EPB41L1: variants seen among roughly 807,000 people sequenced by gnomAD.
The protein encoded by EPB41L1 is band 4.1-like protein 1.
A neutral mutation model predicts 97.8 loss-of-function variants in EPB41L1; 29 were observed. The ratio of observed to expected loss-of-function variants is 0.30; its 90% CI spans 0.22 to 0.40. The LOEUF is 0.40. Among genes scored for constraint, EPB41L1 ranks in the 10% least tolerant of loss-of-function variants. The probability of loss-of-function intolerance (pLI) is 1.00; values close to 1 mark genes in which losing one functional copy is unlikely to be tolerated. For missense variants in EPB41L1, 812 were observed against 1,162.3 expected (o/e 0.70, Z 4.38); for synonymous variants, 383 against 459.2 (o/e 0.83, Z 2.12).
intron 2 of EPB41L1, among the ~76,000 whole-genome samples, chr20:36,127,782 G>A (rs1316020683): frequency 2.0e-5 from 3 of 148,850 alleles, no homozygotes; most frequent in South Asian, 2.1e-4. Context: ...GGCCCTCCTC[G>A]TGCCTCTTGT....
rs73902973 is a variant in EPB41L1 at position 36,113,986 on chromosome 20, A to G, written c.-10+1506A>G. 2.3e-3 allele frequency among the ~76,000 whole-genome samples: 353 copies of G among 152,314 alleles called. 1 individual carries two copies. Among genetic ancestry groups the G allele is most frequent in the African/African-American group, 7.9e-3 (330 of 41,568 alleles). ...GTATTAACCACCATCAGTTTACTGA[A>G]GGAGACAGGAAATGTGAGAGATAAT... On this transcript the variant is annotated intron_variant, in intron 2 of 19. Coordinates refer to the EPB41L1 transcript ENST00000202028.
chr20:36,113,961 G>A (rs1391922621), intron 2 of EPB41L1, among the ~76,000 whole-genome samples: 1 of 152,144 alleles, frequency 6.6e-6, no homozygotes, highest in Non-Finnish European at 1.5e-5. Context: ...GAGACTCTAG[G>A]TATTAACCAC....
rs145599139 is a variant in EPB41L1 at position 36,231,057 on chromosome 20, T to C, written c.*1717T>C. Reference sequence around the variant, plus strand: ...CCCTGTCCCAGGACAAAGCTGAGACTGACGGGTGATGTTGCTCATAGGCTC... The same window carrying C: ...CCCTGTCCCAGGACAAAGCTGAGACCGACGGGTGATGTTGCTCATAGGCTC... On this transcript the variant is annotated 3_prime_UTR_variant, in exon 22 of 22. Coordinates refer to ENST00000338074, the MANE Select transcript of EPB41L1 (RefSeq NM_012156.2). 2 of 152,396 alleles carry C rather than the reference T, an allele frequency of 1.3e-5. No homozygotes were observed. Among genetic ancestry groups the C allele is most frequent in the Non-Finnish European group, 2.9e-5 (2 of 68,066 alleles). 9.4% of individuals were successfully genotyped at this position (152,396 alleles called of 1,614,324 possible).
intron 2 of EPB41L1, among the ~76,000 whole-genome samples, chr20:36,149,539 G>C (rs539162814): frequency 6.6e-6 from 1 of 152,212 alleles, no homozygotes; most frequent in Non-Finnish European, 1.5e-5. Context: ...GTCCCTGCAA[G>C]GTGGGCACTG....
At chr20:36,204,597 G>A (rs2062695524) in intron 14 of EPB41L1, among the ~76,000 whole-genome samples, 1 of 148,098 alleles carries the variant, frequency 6.8e-6, no homozygotes, top group Non-Finnish European at 1.5e-5. Context: ...CAATTCTCCT[G>A]CCTCAGCCTC....
chr20:36,118,195 G>T (rs2058645625), intron 2 of EPB41L1, among the ~76,000 whole-genome samples: 1 of 152,114 alleles, frequency 6.6e-6, no homozygotes, highest in Non-Finnish European at 1.5e-5. Flanking sequence ...CTACTGCTTT[G>T]TTTCATTAAA....
chr20:36,163,788 G>A (rs2060626930), intron 1 of EPB41L1, among the ~76,000 whole-genome samples: 1 of 152,152 alleles, frequency 6.6e-6, no homozygotes, highest in Non-Finnish European at 1.5e-5. Context: ...CAGGACCACA[G>A]AGAGAGAAAT....
At chr20:36,224,018 C>T (rs2063950848) in intron 21 of EPB41L1, among the ~76,000 whole-genome samples, 2 of 152,120 alleles carry the variant, frequency 1.3e-5, no homozygotes, top group Non-Finnish European at 2.9e-5. Context: ...CTTTGATTAC[C>T]AGACCCCTTA....
At chr20:36,108,988 G>C (rs931929702) in intron 1 of EPB41L1, among the ~76,000 whole-genome samples, 4 of 151,044 alleles carry the variant, frequency 2.6e-5, no homozygotes, top group African/African-American at 9.7e-5. Flanking sequence ...CTGTTGCCCA[G>C]ACTGGAGTGC....
intron 1 of EPB41L1, chr20:36,091,836 C>T (rs1394227273): frequency 6.6e-6 from 1 of 152,252 alleles, no homozygotes; most frequent in East Asian, 1.9e-4. Context: ...ATCCCTGCCC[C>T]ATCTTCTTTC....
chr20:36,187,524 C>T (rs1210463994), intron 7 of EPB41L1, 152 bp from the exon 8 acceptor site: 1 of 702,994 alleles, frequency 1.4e-6, no homozygotes, highest in African/African-American at 1.8e-5. Context: ...GGGGTACACC[C>T]TCCTGCTCTG....
At chr20:36,136,584 TC>T (rs1267821101) in intron 2 of EPB41L1, among the ~76,000 whole-genome samples, 1 of 150,578 alleles carries the variant, frequency 6.6e-6, no homozygotes, top group Non-Finnish European at 1.5e-5. Flanking sequence ...AAATCTTTTT[TC>T]TTTCTTTTTT....
chr20:36,119,902 C>T (rs1222159088), intron 2 of EPB41L1, among the ~76,000 whole-genome samples: 4 of 152,096 alleles, frequency 2.6e-5, no homozygotes, highest in Admixed American at 6.5e-5. Flanking sequence ...TCTCCCTGCC[C>T]GCCCTCCTCC....
chr20:36,107,507 C>T (rs1227135488), intron 1 of EPB41L1, among the ~76,000 whole-genome samples: 1 of 149,948 alleles, frequency 6.7e-6, no homozygotes, highest in Non-Finnish European at 1.5e-5. Context: ...GTGTGAGCCA[C>T]CGTGCCCGGC....
At chr20:36,134,832 C>T (rs1023499007) in intron 2 of EPB41L1, among the ~76,000 whole-genome samples, 1 of 148,298 alleles carries the variant, frequency 6.7e-6, no homozygotes, top group South Asian at 2.2e-4. Flanking sequence ...AATAAGAACA[C>T]TATTTTGTGT....
At chr20:36,211,843 G>C (rs1446903482) in intron 15 of EPB41L1, among the ~76,000 whole-genome samples, 1 of 152,168 alleles carries the variant, frequency 6.6e-6, no homozygotes, top group Admixed American at 6.5e-5. Flanking sequence ...GACAAAGGGA[G>C]AGTCTGTCTC....
rs983057846 is a variant in EPB41L1, at chr20:36,219,692, C to T, written c.2356-69C>T. 39 of 1,380,942 alleles carry T rather than the reference C, an allele frequency of 2.8e-5. No homozygotes were observed. In the African/African-American group the frequency reaches 3.0e-4, roughly 11 times the overall value. 85.5% of individuals were successfully genotyped at this position (1,380,942 alleles called of 1,614,324 possible). On this transcript the variant is annotated intron_variant, in intron 18 of 21. Transcript: ENST00000338074. ...CTTCACAGAGCCCTTTACCCCACCC[C>T]GCCCTCACCCCTCCAGAGCCCACTG...
chr20:36,111,434 G>GT (rs1238749446), intron 1 of EPB41L1, among the ~76,000 whole-genome samples: 1 of 152,146 alleles, frequency 6.6e-6, no homozygotes, highest in Non-Finnish European at 1.5e-5. Context: ...AGAAGATTGA[G>GT]AAAAGTACTT....
At position 36,093,701 on chromosome 20, in the gene EPB41L1, GTGTA is replaced by G. The variant is rs1408658435; in HGVS notation, c.-65+2093_-65+2096del. On this transcript the variant is annotated intron_variant, in intron 1 of 19. Transcript: ENST00000202028. This position sits in a 1 kb window ranked among gnomAD's most constrained non-coding sequence, Gnocchi z 5.4. ...CGTGCGTGCGTGCGTGTGTGTGTGT[GTGTA>G]TGTGTATGCGTGCGCGCGCGTGTGT... Among the ~76,000 whole-genome samples the G allele has an allele frequency of 6.6e-6, 1 of 151,750 alleles. No homozygotes were observed. The highest frequency in any genetic ancestry group is 2.4e-5 in the African/African-American group (1 of 41,314).
Sources: gnomAD v4.1 joint callset for allele counts (sites outside exome capture counted in the v4.1 genomes callset) on GRCh38, gnomAD v4.1.1 for gene constraint, Gnocchi (gnomAD v3.1) non-coding constraint, MANE v1.5 for transcripts, NCBI Gene and HGNC (gene_info 2026-07-23, HGNC 2026-07-21) for gene names.